Variants in PIGN observed in about 807,000 individuals in gnomAD.
PIGN encodes GPI ethanolamine phosphate transferase 1.
Under a neutral mutation model 125.4 loss-of-function variants are expected in PIGN, and 117 were observed. The observed-to-expected ratio is 0.93, with a 90% CI of 0.80 to 1.09. The LOEUF (loss-of-function observed/expected upper bound fraction) is 1.09. PIGN is among the 50% of genes least tolerant of loss of function. PIGN has a pLI of 0.00. For synonymous variants in PIGN, 392 were observed against 377.8 expected (o/e 1.04, Z -0.44); for missense variants, 1,075 against 1,094.9 (o/e 0.98, Z 0.26).
chr18:62,114,170 T>C (rs2034994162), intron 15 of PIGN, among the ~76,000 whole-genome samples: 1 of 152,174 alleles, frequency 6.6e-6, no homozygotes, highest in African/African-American at 2.4e-5. Flanking sequence ...AAGACCAGCC[T>C]GGCCAACATG....
intron 30 of PIGN, chr18:62,056,847 G>A (rs79849336): frequency 0.022 from 3,317 of 152,394 alleles, 48 homozygotes; most frequent in Non-Finnish European, 0.035. Context: ...TCCACCTCCT[G>A]TCAAATGAGT....
At chr18:62,040,599 G>A (rs1363649592), downstream of PIGN, among the ~76,000 whole-genome samples, 2 of 152,132 alleles carry the variant, frequency 1.3e-5, no homozygotes, top group Non-Finnish European at 2.9e-5. Context: ...GCTATGCTAT[G>A]AGCAGTTTTT....
At chr18:62,158,667 G>C (rs2036828291) in intron 4 of PIGN, among the ~76,000 whole-genome samples, 1 of 152,150 alleles carries the variant, frequency 6.6e-6, no homozygotes, top group Non-Finnish European at 1.5e-5. Context: ...ATAAATATCT[G>C]CCTCTCAATA....
rs530090223 is a variant in PIGN at position 62,178,552 on chromosome 18, T to A, written c.-236+8292A>T. Among the ~76,000 whole-genome samples the A allele has an allele frequency of 2.5e-3, 385 of 151,314 alleles. 1 individual carries two copies. The highest frequency in any genetic ancestry group is 4.2e-3 in the Non-Finnish European group (288 of 67,860). On this transcript the variant is annotated intron_variant, in intron 1 of 30. Coordinates refer to ENST00000640252, the MANE Select transcript of PIGN (RefSeq NM_176787.5). ...TAGGAGGGTGAGGCGAGAGGATTGC[T>A]TGAGCCTAGGAATTCAAGGCTAGCC... is the stretch of plus-strand genomic sequence containing the variant.
rs17714875 is a variant in PIGN, at chr18:62,113,191, A to G, written c.1377T>C (p.Ser459=). 354,138 of 1,610,870 alleles carry G rather than the reference A, an allele frequency of 0.22. 43,064 individuals are homozygous for G. The highest frequency in any genetic ancestry group is 0.25 in the Non-Finnish European group (295,982 of 1,177,764). Residue 459 remains serine (S), a synonymous_variant, in exon 16 of 31, where the codon TCT becomes TCC. Transcript: ENST00000640252. ...IGFVGWISYA[S]LLIIKSHSNL... ...TGGAATGAGACTTGATGATCAACAA[A>G]GAGGCATAAGATATCCATCCCACAA...
chr18:62,133,402 T>A (rs1269434323), intron 14 of PIGN, among the ~76,000 whole-genome samples: 1 of 152,238 alleles, frequency 6.6e-6, no homozygotes, highest in African/African-American at 2.4e-5. Flanking sequence ...CTTTAGAATG[T>A]GTTCTGTTAT....
At chr18:62,133,400 T>A (rs577957795) in intron 14 of PIGN, among the ~76,000 whole-genome samples, 50 of 152,226 alleles carry the variant, frequency 3.3e-4, no homozygotes, top group Non-Finnish European at 5.7e-4. Context: ...AGCTTTAGAA[T>A]GTGTTCTGTT....
intron 22 of PIGN, among the ~76,000 whole-genome samples, chr18:62,097,933 T>C (rs1433347930): frequency 1.3e-5 from 2 of 152,172 alleles, no homozygotes; most frequent in African/African-American, 4.8e-5. Context: ...TGCATAACTT[T>C]CTAATCCCCC....
In PIGN at chr18:62,148,211, T is replaced by C. The variant is rs2036405069; in HGVS notation, c.674+3A>G. 1 of 1,533,492 alleles carries C rather than the reference T, an allele frequency of 6.5e-7. No individual in the cohort carries two copies. The allele number at this position is 1,533,492 out of a possible 1,614,324, so 95.0% of individuals were successfully genotyped here. A position where few individuals can be genotyped will look rare whatever the true frequency, so the allele number is the denominator to read the frequency against. On this transcript the variant is annotated splice_donor_region_variant and intron_variant, in intron 8 of 30. Transcript: ENST00000640252. ...AATACAATTAAACACAATATTAAATTACCTCGAGGATGGTCGATGAGCATG... is the reference window on the plus strand; with the variant it reads ...AATACAATTAAACACAATATTAAATCACCTCGAGGATGGTCGATGAGCATG...
chr18:62,037,256 G>C (rs1363187102), downstream of PIGN, among the ~76,000 whole-genome samples: 1 of 152,252 alleles, frequency 6.6e-6, no homozygotes, highest in Non-Finnish European at 1.5e-5. Context: ...TTTAGACTTA[G>C]ACTGAAATTA....
rs2034330330 is a variant in PIGN, at chr18:62,099,075, G to A, written c.2077+2000C>T. Among the ~76,000 whole-genome samples the A allele has an allele frequency of 2.0e-5, 3 of 151,964 alleles. No individual in the cohort carries two copies. The South Asian group carries it at 6.2e-4, about 32-fold the overall frequency. ...TTATGCAGTGTTTTATATGCTTCTT[G>A]AGAACAAGCCTACGAGTCATGTTAG... On this transcript the variant is annotated intron_variant, in intron 22 of 30. Transcript: ENST00000640252.
chr18:62,033,067 G>A (rs1364587446), intron 23 of PIGN, among the ~76,000 whole-genome samples: 3 of 152,180 alleles, frequency 2.0e-5, no homozygotes, highest in African/African-American at 7.2e-5. Context: ...CACAGAGGAC[G>A]CAGCCAAGGG....
intron 23 of PIGN, among the ~76,000 whole-genome samples, chr18:62,028,979 C>T (rs565955718): frequency 1.3e-5 from 2 of 152,290 alleles, no homozygotes; most frequent in Middle Eastern, 3.4e-3. Context: ...AAAATGGTCC[C>T]CAGAGTCAAA....
intron 23 of PIGN, among the ~76,000 whole-genome samples, chr18:62,093,920 T>A (rs1332146335): frequency 6.6e-6 from 1 of 152,136 alleles, no homozygotes; most frequent in Admixed American, 6.5e-5. Flanking sequence ...ATACTCTTTT[T>A]AATTTTTTTT....
At chr18:62,020,088 T>C (rs986512301) in intron 23 of PIGN, among the ~76,000 whole-genome samples, 4 of 152,200 alleles carry the variant, frequency 2.6e-5, no homozygotes, top group African/African-American at 9.7e-5. Flanking sequence ...AAGCTACTCC[T>C]TTGTAGGACA....
chr18:62,031,124 G>A (rs770414005), intron 23 of PIGN, among the ~76,000 whole-genome samples: 2 of 152,170 alleles, frequency 1.3e-5, no homozygotes, highest in Non-Finnish European at 2.9e-5. Context: ...TCATGGGAGT[G>A]GTTTCCCCCA....
intron 14 of PIGN, among the ~76,000 whole-genome samples, chr18:62,124,360 A>G (rs1599575657): frequency 6.6e-6 from 1 of 152,166 alleles, no homozygotes; most frequent in East Asian, 1.9e-4. Context: ...AAAAACATAA[A>G]GGTACTAAAT....
chr18:62,184,182 T>A (rs1183780038), intron 1 of PIGN, among the ~76,000 whole-genome samples: 2 of 152,188 alleles, frequency 1.3e-5, no homozygotes, highest in Non-Finnish European at 2.9e-5. Flanking sequence ...CAACCAAAAC[T>A]TGCATTCAGA....
intron 14 of PIGN, among the ~76,000 whole-genome samples, chr18:62,119,297 AAG>A (rs1491065183): frequency 5.3e-5 from 8 of 152,206 alleles, no homozygotes; most frequent in African/African-American, 1.9e-4. Context: ...TTGAAAAAAA[AAG>A]AATCGAAACA....
Sources: allele counts gnomAD v4.1 joint callset (sites outside exome capture counted in the v4.1 genomes callset), GRCh38; gene constraint gnomAD v4.1.1; transcripts MANE v1.5; gene names NCBI Gene and HGNC (gene_info 2026-07-23, HGNC 2026-07-21).